Variants in MTO1 observed in about 807,000 individuals in gnomAD.
MTO1 encodes the protein mitochondrial tRNA translation optimization 1, also known as 5-taurinomethyluridine-[tRNA] synthase subunit MTO1, mitochondrial.
A neutral mutation model predicts 71.6 loss-of-function variants in MTO1; 46 were observed. The ratio of observed to expected loss-of-function variants is 0.64; its 90% CI spans 0.51 to 0.82. MTO1 has a LOEUF of 0.82. Ranked by LOEUF, MTO1 falls within the 40% of genes least tolerant of loss-of-function variation. MTO1 has a pLI of 0.00. For missense variants in MTO1, 773 were observed against 867.5 expected (o/e 0.89, Z 1.37); for synonymous variants, 297 against 312.1 (o/e 0.95, Z 0.51).
intron 7 of MTO1, among the ~76,000 whole-genome samples, chr6:73,481,520 A>G (rs905134367): frequency 2.0e-5 from 3 of 152,036 alleles, no homozygotes; most frequent in Admixed American, 6.6e-5. Flanking sequence ...TAATCCCAGC[A>G]CTCTGGGAGG....
intron 10 of MTO1, among the ~76,000 whole-genome samples, chr6:73,495,901 G>T (rs981780564): frequency 1.3e-5 from 2 of 152,114 alleles, no homozygotes; most frequent in Admixed American, 1.3e-4. Context: ...GAACTGCCCT[G>T]TGAAGGGCAG....
intron 3 of MTO1, among the ~76,000 whole-genome samples, chr6:73,470,825 C>T (rs1421273922): frequency 2.0e-5 from 3 of 152,086 alleles, no homozygotes; most frequent in Admixed American, 6.6e-5. Context: ...TGATGGCTCA[C>T]GCCTGTAGTC....
chr6:73,487,105 C>G (rs1771673303), intron 9 of MTO1, among the ~76,000 whole-genome samples: 1 of 151,872 alleles, frequency 6.6e-6, no homozygotes, highest in African/African-American at 2.4e-5. Flanking sequence ...ACTTGAGTTG[C>G]TTTCACCTTA....
chr6:73,498,026 C>T, intron 11 of MTO1, 130 bp downstream of exon 11: 2 of 812,466 alleles, frequency 2.5e-6, no homozygotes, highest in Non-Finnish European at 3.7e-6. Flanking sequence ...CCAGCATGGG[C>T]AACACAGCAA....
chr6:73,491,643 G>A (rs1371640357), intron 9 of MTO1, among the ~76,000 whole-genome samples: 2 of 152,158 alleles, frequency 1.3e-5, no homozygotes, highest in Admixed American at 6.6e-5. Context: ...AGGGAATTCA[G>A]TGAAACCCTT....
intron 6 of MTO1, 27 bp downstream of exon 6, chr6:73,480,153 G>T (rs746612042): frequency 6.2e-7 from 1 of 1,607,102 alleles, no homozygotes; most frequent in Non-Finnish European, 8.5e-7. Flanking sequence ...GTGCCCTTCA[G>T]TATAAGGTCA....
In MTO1 at chr6:73,466,484, G is replaced by C. The variant is rs756343998; in HGVS notation, c.418-5G>C. The C allele has an allele frequency of 1.2e-6, 2 of 1,613,318 alleles. No individual in the cohort carries two copies. The highest frequency in any genetic ancestry group is 1.7e-5 in the Admixed American group (1 of 59,974). ...CATGTTTCAACTGGCATTTTCTTTT[G>C]ACAGAAAGAAATCTTGAATACACCA... On this transcript the variant is annotated splice_polypyrimidine_tract_variant and splice_region_variant and intron_variant, in intron 2 of 11. Transcript: ENST00000498286.
At chr6:73,468,310 G>C (rs1771057078) in intron 3 of MTO1, among the ~76,000 whole-genome samples, 1 of 151,988 alleles carries the variant, frequency 6.6e-6, no homozygotes, top group Non-Finnish European at 1.5e-5. Context: ...GTAGAGACAG[G>C]GTTTCACCAT....
intron 4 of MTO1, 67 bp downstream of exon 4, chr6:73,473,721 C>A: frequency 3.5e-6 from 3 of 847,980 alleles, no homozygotes; most frequent in South Asian, 2.1e-5. Flanking sequence ...AGTACTGTAA[C>A]TTTTTTTTTT....
intron 4 of MTO1, among the ~76,000 whole-genome samples, chr6:73,474,778 G>A (rs932981972): frequency 2.7e-5 from 4 of 150,218 alleles, no homozygotes; most frequent in Non-Finnish European, 5.9e-5. Context: ...TTTTTGAGAC[G>A]GAGTTTCGCC....
intron 3 of MTO1, among the ~76,000 whole-genome samples, chr6:73,470,571 A>G (rs1771130639): frequency 6.6e-6 from 1 of 152,100 alleles, no homozygotes; most frequent in Non-Finnish European, 1.5e-5. Context: ...AGATTTATTA[A>G]TTTTCTTGAT....
At chr6:73,477,588 C>T (rs951398886) in intron 4 of MTO1, among the ~76,000 whole-genome samples, 1 of 149,526 alleles carries the variant, frequency 6.7e-6, no homozygotes, top group African/African-American at 2.5e-5. Context: ...CTCACTGTAA[C>T]CTCCGCCTCC....
intron 3 of MTO1, among the ~76,000 whole-genome samples, chr6:73,468,046 C>T (rs1771050222): frequency 6.6e-6 from 1 of 151,808 alleles, no homozygotes; most frequent in Non-Finnish European, 1.5e-5. Flanking sequence ...GTCTTGTTCT[C>T]CTGACCTTGT....
chr6:73,482,381 C>G (rs190000320), intron 8 of MTO1, 68 bp from the exon 9 acceptor site: 10 of 1,545,270 alleles, frequency 6.5e-6, no homozygotes, highest in Non-Finnish European at 8.0e-6. Flanking sequence ...TAGTGAGACA[C>G]TGTCTCTACA....
rs1772338852 is a variant in MTO1 at position 73,508,188 on chromosome 6, A to C, written c.*7453A>C. 1 of 152,116 alleles carries C rather than the reference A, an allele frequency of 6.6e-6. No individual in the cohort carries two copies. Among genetic ancestry groups the C allele is most frequent in the Non-Finnish European group, 1.5e-5 (1 of 68,018 alleles). The allele number at this position is 152,116 out of a possible 1,614,324, so 9.4% of individuals were successfully genotyped here. A position where few individuals can be genotyped will look rare whatever the true frequency, so the allele number is the denominator to read the frequency against. On this transcript the variant is annotated 3_prime_UTR_variant, in exon 12 of 12. Coordinates refer to ENST00000498286, the MANE Select transcript of MTO1 (RefSeq NM_012123.4). ...GGCTGTAGGGGAATTCAGAGTGTGA[A>C]TTTCACTTGAACAGCACCCTCTGCA... is the stretch of plus-strand genomic sequence containing the variant.
rs139801695 is a variant in MTO1, at chr6:73,473,571, A to G, written c.742A>G (p.Ile248Val). The G allele has an allele frequency of 9.3e-6, 15 of 1,614,002 alleles. No homozygotes were observed. The African/African-American group carries it at 1.9e-4, about 20-fold the overall frequency. Residue 248 changes from isoleucine to valine, a missense_variant, in exon 4 of 12, where the codon ATT becomes GTT. Physicochemically the swap from Ile to Val is conservative, Grantham distance 29 (BLOSUM62 3). Transcript: ENST00000498286. The part of the protein sequence containing the change: ...GTPPRIAKES[I>V]NFSILNKHIP... Reference sequence around the variant, plus strand: ...TCCACCCCGAATTGCCAAAGAGTCCATTAATTTCAGTATTCTAAACAAGCA... The same window carrying G: ...TCCACCCCGAATTGCCAAAGAGTCCGTTAATTTCAGTATTCTAAACAAGCA...
rs1771510990 is a variant in MTO1 at position 73,482,063 on chromosome 6, C to T, written c.1284C>T (p.Ala428=). The change falls in exon 8 of 12, where the codon GCC becomes GCT. Residue 428 remains alanine (A), a synonymous_variant. Transcript: ENST00000498286. The part of the protein sequence containing the change: ...AAQGVIAGIN[A]SLRVSRKPPF... Reference sequence around the variant, plus strand: ...AGGGTGTGATAGCCGGAATCAACGCCAGTCTTCGGGTCAGTCGCAAGCCTC... The same window carrying T: ...AGGGTGTGATAGCCGGAATCAACGCTAGTCTTCGGGTCAGTCGCAAGCCTC... 3.7e-6 allele frequency: 6 copies of T among 1,614,024 alleles called. No individual in the cohort carries two copies. The highest frequency in any genetic ancestry group is 4.2e-6 in the Non-Finnish European group (5 of 1,180,044).
At chr6:73,495,159 A>C (rs963535641) in intron 10 of MTO1, among the ~76,000 whole-genome samples, 5 of 152,138 alleles carry the variant, frequency 3.3e-5, no homozygotes, top group Non-Finnish European at 5.9e-5. Context: ...CCCAAGTGCT[A>C]CCTACCATTC....
At chr6:73,491,131 C>G (rs1771790457) in intron 9 of MTO1, among the ~76,000 whole-genome samples, 1 of 152,082 alleles carries the variant, frequency 6.6e-6, no homozygotes, top group Admixed American at 6.6e-5. Flanking sequence ...CATTGCTCTC[C>G]TCTCCCAAGG....
Sources: gnomAD v4.1 joint callset for allele counts (sites outside exome capture counted in the v4.1 genomes callset) on GRCh38, gnomAD v4.1.1 for gene constraint, MANE v1.5 for transcripts, NCBI Gene and HGNC (gene_info 2026-07-23, HGNC 2026-07-21) for gene names.